The following TRHDE variants were observed in gnomAD, a reference collection of about 807,000 sequenced individuals.
TRHDE encodes thyrotropin-releasing hormone-degrading ectoenzyme.
Under a neutral mutation model 125.7 loss-of-function variants are expected in TRHDE, and 72 were observed. That is an observed-to-expected ratio of 0.57 (90% confidence interval 0.47 to 0.70). The LOEUF is 0.70. Ranked by LOEUF, TRHDE falls within the 30% of genes least tolerant of loss-of-function variation. The pLI is 0.00. For missense variants in TRHDE, 1,110 were observed against 1,327.1 expected, an observed-to-expected ratio of 0.84 and a Z score of 2.54; for synonymous variants, 509 against 509.1, an observed-to-expected ratio of 1.00 and a Z score of 0.00.
chr12:72,246,185 T>C (rs1050401314), intron 2 of TRHDE, among the ~76,000 whole-genome samples: 1 of 152,050 alleles, frequency 6.6e-6, no homozygotes, highest in African/African-American at 2.4e-5. Context: ...CAAAAAAAAC[T>C]GTGCCATATT....
intron 2 of TRHDE, among the ~76,000 whole-genome samples, chr12:72,215,633 T>A (rs1379162267): frequency 6.6e-6 from 1 of 152,184 alleles, no homozygotes; most frequent in Non-Finnish European, 1.5e-5. Flanking sequence ...CACAGCTTTG[T>A]TTTCAAGGCT....
intron 5 of TRHDE, among the ~76,000 whole-genome samples, chr12:72,488,135 C>T (rs1271404054): frequency 6.6e-6 from 1 of 151,850 alleles, no homozygotes; most frequent in Non-Finnish European, 1.5e-5. Context: ...AACCAGAAAA[C>T]AAAGAATGAA....
At chr12:72,537,870 A>G (rs1370298325) in intron 6 of TRHDE, among the ~76,000 whole-genome samples, 1 of 152,070 alleles carries the variant, frequency 6.6e-6, no homozygotes, top group Non-Finnish European at 1.5e-5. Flanking sequence ...GGAGATTACA[A>G]TCTATTTTGT....
chr12:72,490,138 A>T (rs1403759148), intron 5 of TRHDE, among the ~76,000 whole-genome samples: 1 of 151,824 alleles, frequency 6.6e-6, no homozygotes, highest in Non-Finnish European at 1.5e-5. Context: ...TATACAACTT[A>T]ATAGTAGAAA....
chr12:72,460,111 T>C (rs1876056598), intron 3 of TRHDE, among the ~76,000 whole-genome samples: 1 of 152,210 alleles, frequency 6.6e-6, no homozygotes, highest in Non-Finnish European at 1.5e-5. Context: ...CCGTTTTTGC[T>C]ATACAAAACC....
intron 2 of TRHDE, among the ~76,000 whole-genome samples, chr12:72,330,330 T>A (rs202238134): frequency 3.6e-5 from 5 of 137,432 alleles, no homozygotes; most frequent in Non-Finnish European, 4.8e-5. Context: ...CAAAGAAAAG[T>A]AAAAAAAAAA....
chr12:72,330,340 A>C (rs924511821), intron 2 of TRHDE, among the ~76,000 whole-genome samples: 20 of 151,952 alleles, frequency 1.3e-4, no homozygotes, highest in African/African-American at 4.4e-4. Context: ...TAAAAAAAAA[A>C]AAACCAAAAC....
At chr12:72,099,181 T>C (rs1207661605) in intron 1 of TRHDE, among the ~76,000 whole-genome samples, 1 of 151,990 alleles carries the variant, frequency 6.6e-6, no homozygotes, top group Non-Finnish European at 1.5e-5. Flanking sequence ...AAAAAGACAT[T>C]GTTGCTTTAA....
At chr12:72,368,359 T>A (rs1443234127) in intron 2 of TRHDE, among the ~76,000 whole-genome samples, 1 of 152,176 alleles carries the variant, frequency 6.6e-6, no homozygotes, top group African/African-American at 2.4e-5. Context: ...TCTTCTTTTT[T>A]TGCATTATAT....
At chr12:72,634,931 T>G (rs1487127017) in intron 15 of TRHDE, among the ~76,000 whole-genome samples, 1 of 152,192 alleles carries the variant, frequency 6.6e-6, no homozygotes, top group Non-Finnish European at 1.5e-5. Flanking sequence ...TTCCAAGTCT[T>G]TGCTGTTGTG....
At chr12:72,512,617 AATC>A (rs1403385797) in intron 6 of TRHDE, among the ~76,000 whole-genome samples, 2 of 142,318 alleles carry the variant, frequency 1.4e-5, no homozygotes, top group African/African-American at 5.1e-5. Flanking sequence ...AATTATATAT[AATC>A]ATATATATCA....
chr12:72,166,006 G>A (rs945214221), intron 2 of TRHDE, among the ~76,000 whole-genome samples: 2 of 152,016 alleles, frequency 1.3e-5, no homozygotes, highest in South Asian at 2.1e-4. Flanking sequence ...TTTTGTTGCT[G>A]AGTGAACATC....
At chr12:72,206,058 C>T (rs1877658021) in intron 2 of TRHDE, among the ~76,000 whole-genome samples, 1 of 151,246 alleles carries the variant, frequency 6.6e-6, no homozygotes, top group Admixed American at 6.6e-5. Flanking sequence ...ACAGGTGTGG[C>T]ATGATATCTT....
At chr12:72,450,619 A>G (rs1225605496) in intron 3 of TRHDE, among the ~76,000 whole-genome samples, 1 of 152,094 alleles carries the variant, frequency 6.6e-6, no homozygotes, top group African/African-American at 2.4e-5. Context: ...TATTCCTCCT[A>G]TCTGACGGAA....
intron 2 of TRHDE, among the ~76,000 whole-genome samples, chr12:72,309,322 A>G (rs1380999178): frequency 6.6e-6 from 1 of 152,212 alleles, no homozygotes; most frequent in Non-Finnish European, 1.5e-5. Flanking sequence ...AGAGGTAGTC[A>G]GACACAATTA....
intron 5 of TRHDE, among the ~76,000 whole-genome samples, chr12:72,494,261 C>T (rs903499562): frequency 6.6e-6 from 1 of 151,964 alleles, no homozygotes; most frequent in African/African-American, 2.4e-5. Context: ...CCATAAAAGC[C>T]ATTTATGTTC....
At chr12:72,104,348 T>C (rs938823947) in intron 1 of TRHDE, among the ~76,000 whole-genome samples, 1 of 152,158 alleles carries the variant, frequency 6.6e-6, no homozygotes, top group African/African-American at 2.4e-5. Context: ...TTGGGTCATC[T>C]CTTGCTTCTG....
intron 3 of TRHDE, among the ~76,000 whole-genome samples, chr12:72,432,767 C>A (rs972784517): frequency 6.6e-6 from 1 of 152,032 alleles, no homozygotes; most frequent in African/African-American, 2.4e-5. Context: ...ATGTCTTTTG[C>A]GAATAGGGAC....
At chr12:72,579,910 T>A (rs1196243876) in intron 12 of TRHDE, among the ~76,000 whole-genome samples, 2 of 152,192 alleles carry the variant, frequency 1.3e-5, no homozygotes, top group African/African-American at 2.4e-5. Flanking sequence ...AGATTTTTTT[T>A]ATTTTGCCTA....
Sources: allele counts gnomAD v4.1 joint callset (sites outside exome capture counted in the v4.1 genomes callset), GRCh38; gene constraint gnomAD v4.1.1; transcripts MANE v1.5; gene names NCBI Gene and HGNC (gene_info 2026-07-23, HGNC 2026-07-21).